Variants in MYT1L observed in about 807,000 individuals in gnomAD.
MYT1L encodes myelin transcription factor 1-like protein.
A neutral mutation model predicts 126.7 loss-of-function variants in MYT1L; 12 were observed. The ratio of observed to expected loss-of-function variants is 0.09; its 90% CI spans 0.06 to 0.15. The LOEUF (loss-of-function observed/expected upper bound fraction) is 0.15. Among genes scored for constraint, MYT1L ranks in the 10% least tolerant of loss-of-function variants. The pLI is 1.00. For missense variants in MYT1L, 979 were observed against 1,585.2 expected (o/e 0.62, Z 6.49); for synonymous variants, 541 against 604.2 (o/e 0.90, Z 1.53).
rs1439511853 is a variant in MYT1L at position 1,979,598 on chromosome 2, A to G, written c.56-44T>C. ...AGATAAAAATTTACCATCTATCACAAGCGACCCTCTTCCACAGAAAATTAC... is the reference window on the plus strand; with the variant it reads ...AGATAAAAATTTACCATCTATCACAGGCGACCCTCTTCCACAGAAAATTAC... On this transcript the variant is annotated intron_variant, in intron 6 of 24. Coordinates refer to ENST00000647738, the MANE Select transcript of MYT1L (RefSeq NM_001303052.2). The surrounding 1 kb of genome is among the most constrained non-coding windows in gnomAD (Gnocchi z 4.0). 1 of 1,608,018 alleles carries G rather than the reference A, an allele frequency of 6.2e-7. No homozygotes were observed. The highest frequency in any genetic ancestry group is 8.5e-7 in the Non-Finnish European group (1 of 1,174,570).
chr2:2,023,228 C>T (rs529386404), intron 4 of MYT1L, among the ~76,000 whole-genome samples: 1 of 152,298 alleles, frequency 6.6e-6, no homozygotes, highest in Admixed American at 6.5e-5. Flanking sequence ...CCAGTGTGGG[C>T]ACTTTACCGA....
At chr2:2,313,548 G>A in intron 1 of MYT1L, among the ~76,000 whole-genome samples, 1 of 151,994 alleles carries the variant, frequency 6.6e-6, no homozygotes, top group East Asian at 1.9e-4. Context: ...GTATAAGGAG[G>A]AAGATAGAAC....
At chr2:2,189,289 G>A (rs1445382892) in intron 2 of MYT1L, among the ~76,000 whole-genome samples, 1 of 152,180 alleles carries the variant, frequency 6.6e-6, no homozygotes, top group Non-Finnish European at 1.5e-5. Context: ...CCAAAATGGG[G>A]TTCGTGAGCC....
At chr2:1,956,619 T>TCTAC (rs1174179411) in intron 8 of MYT1L, among the ~76,000 whole-genome samples, 3,710 of 134,356 alleles carry the variant, frequency 0.028, 100 homozygotes, top group African/African-American at 0.047. Flanking sequence ...TATCTATCTA[T>TCTAC]CTACCTACCT....
chr2:2,270,851 G>A (rs1026195770), intron 2 of MYT1L, among the ~76,000 whole-genome samples: 2 of 151,820 alleles, frequency 1.3e-5, no homozygotes, highest in African/African-American at 4.8e-5. Context: ...AAGCAGTGCC[G>A]GGCATCCTGC....
At chr2:2,217,355 C>T (rs945195787) in intron 2 of MYT1L, among the ~76,000 whole-genome samples, 1 of 152,034 alleles carries the variant, frequency 6.6e-6, no homozygotes, top group African/African-American at 2.4e-5. Flanking sequence ...ATTTGAAAGT[C>T]AACCAATGTA....
intron 4 of MYT1L, among the ~76,000 whole-genome samples, chr2:2,008,012 T>C (rs551578778): frequency 2.6e-5 from 4 of 152,342 alleles, no homozygotes; most frequent in African/African-American, 4.8e-5. Flanking sequence ...AGCATCTCTA[T>C]AGTAGAACCT....
In MYT1L at chr2:1,791,918, A is replaced by G. The variant is rs1210969674; in HGVS notation, c.3510T>C (p.Asn1170=). The G allele has an allele frequency of 6.2e-7, 1 of 1,611,612 alleles. No homozygotes were observed. Among genetic ancestry groups the G allele is most frequent in the Non-Finnish European group, 8.5e-7 (1 of 1,179,276 alleles). Residue 1170 remains asparagine, a synonymous_variant, in exon 25 of 25, where the codon AAT becomes AAC. Transcript: ENST00000647738. The surrounding 1 kb of genome is among the most constrained non-coding windows in gnomAD (Gnocchi z 6.0). ...GCTTTATATTTTCCAGTAGGGCTTT[A>G]TTTTCTGGACTCTGATAACGATCTT... ...TNQDRYQSPE[N]KALLENIKQA... is the part of the protein sequence containing the mutation.
chr2:1,966,890 C>G (rs1384563265), intron 8 of MYT1L, among the ~76,000 whole-genome samples: 1 of 152,072 alleles, frequency 6.6e-6, no homozygotes, highest in Non-Finnish European at 1.5e-5. Context: ...GCAGTGGTTA[C>G]CAATGCCCTG....
chr2:2,080,638 T>C (rs993239819), intron 3 of MYT1L, among the ~76,000 whole-genome samples: 3 of 152,104 alleles, frequency 2.0e-5, no homozygotes, highest in African/African-American at 4.8e-5. Context: ...AGATACCTCT[T>C]CATATTTACT....
intron 4 of MYT1L, among the ~76,000 whole-genome samples, chr2:2,023,031 T>G (rs1280797211): frequency 6.6e-6 from 1 of 152,146 alleles, no homozygotes; most frequent in Non-Finnish European, 1.5e-5. Flanking sequence ...ATGATACTTG[T>G]TGGGTTAGCC....
chr2:2,236,790 CTTCTTCTTCTTCTTCTTCTTCTTCT>C (rs1369161715), intron 2 of MYT1L, among the ~76,000 whole-genome samples: 6 of 16,396 alleles, frequency 3.7e-4, no homozygotes, highest in African/African-American at 3.2e-3. Flanking sequence ...TCTTCTTCTT[CTTCTTCTTCTTCTTCTTCTTCTTCT>C]TTTTTTTTTT....
In MYT1L at chr2:1,792,363, C is replaced by T; in HGVS notation, c.3378G>A (p.Gln1126=). 6.2e-7 allele frequency: 1 copy of T among 1,609,450 alleles called. No homozygotes were observed. Residue 1126 remains glutamine, a synonymous_variant, in exon 24 of 25, where the codon CAG becomes CAA. Coordinates refer to ENST00000647738, the MANE Select transcript of MYT1L (RefSeq NM_001303052.2). ...TGTTAGCCAGGCTGTGGATCAGAGA[C>T]TGGCTCAGGTTCGCCAGCTCGTGGA... The part of the protein sequence containing the change: ...SLLHELANLS[Q]SLIHSLANIQ...
Position 2,025,657 on chromosome 2 carries a change from C to T in MYT1L, c.-157-28310G>A, listed in dbSNP as rs73913041. ...CAATACGCCCAAGTCTTCCTGAGCA[C>T]GTGTGGTGCACCCAGCTCCCTGGTG... is the stretch of plus-strand genomic sequence containing the variant. On this transcript the variant is annotated intron_variant, in intron 4 of 24. Coordinates refer to ENST00000647738, the MANE Select transcript of MYT1L (RefSeq NM_001303052.2). 6.9e-3 allele frequency among the ~76,000 whole-genome samples: 1,050 copies of T among 152,260 alleles called. 14 individuals carry two copies. Among genetic ancestry groups the T allele is most frequent in the African/African-American group, 0.02 (846 of 41,542 alleles).
chr2:1,821,312 T>A (rs1257454138), intron 21 of MYT1L, among the ~76,000 whole-genome samples: 4 of 124,308 alleles, frequency 3.2e-5, no homozygotes, highest in Non-Finnish European at 6.5e-5. Flanking sequence ...AATTCTTTAT[T>A]TTTTTTTAAC....
chr2:2,077,005 T>C (rs1291573411), intron 3 of MYT1L, among the ~76,000 whole-genome samples: 2 of 152,052 alleles, frequency 1.3e-5, no homozygotes, highest in Non-Finnish European at 2.9e-5. Context: ...ATAGATATTA[T>C]AAAATAAATA....
rs769280091 is a variant in MYT1L at position 1,979,549 on chromosome 2, C to T, written c.61G>A (p.Val21Met). Reference sequence around the variant, plus strand: ...AACAGCTCTTGTATGGCTGGTTCCACGGGAACTGCAGAGAGATGGAAATAG... The same window carrying T: ...AACAGCTCTTGTATGGCTGGTTCCATGGGAACTGCAGAGAGATGGAAATAG... ...RTRSKGVRVP[V>M]EPAIQELFSC... Residue 21 changes from valine to methionine, a missense_variant, in exon 7 of 25, where the codon GTG (valine) becomes ATG (methionine). By Grantham distance (21) the Val-to-Met change is conservative. Coordinates refer to ENST00000647738, the MANE Select transcript of MYT1L (RefSeq NM_001303052.2). The surrounding 1 kb of genome is among the most constrained non-coding windows in gnomAD (Gnocchi z 4.0). The T allele has an allele frequency of 6.4e-5, 104 of 1,613,450 alleles. No individual in the cohort carries two copies. The highest frequency in any genetic ancestry group is 8.5e-5 in the Non-Finnish European group (100 of 1,179,606).
At chr2:1,826,595 A>G (rs1278917420) in intron 21 of MYT1L, among the ~76,000 whole-genome samples, 5 of 152,176 alleles carry the variant, frequency 3.3e-5, no homozygotes, top group Non-Finnish European at 7.3e-5. Flanking sequence ...GCTTCCCGTC[A>G]AACACTAAAA....
rs75203627 is a variant in MYT1L, at chr2:2,311,800, G to A, written c.-521+19167C>T. On this transcript the variant is annotated intron_variant, in intron 1 of 24. Coordinates refer to ENST00000647738, the MANE Select transcript of MYT1L (RefSeq NM_001303052.2). ...CAAAACCTTGTATATTTGGCCTACG[G>A]TGACTTGAAACAGTCACTTCAGCTG... 1.9e-3 allele frequency among the ~76,000 whole-genome samples: 283 copies of A among 152,286 alleles called. 2 individuals carry two copies. The highest frequency in any genetic ancestry group is 6.6e-3 in the African/African-American group (275 of 41,576).
Sources: gnomAD v4.1 joint callset for allele counts (sites outside exome capture counted in the v4.1 genomes callset) on GRCh38, gnomAD v4.1.1 for gene constraint, Gnocchi (gnomAD v3.1) non-coding constraint, MANE v1.5 for transcripts, NCBI Gene and HGNC (gene_info 2026-07-23, HGNC 2026-07-21) for gene names.